FRAS1: variants seen among roughly 807,000 people sequenced by gnomAD.
FRAS1 encodes extracellular matrix organizing protein FRAS1.
Under a neutral mutation model 435.2 loss-of-function variants are expected in FRAS1, and 290 were observed. The ratio of observed to expected loss-of-function variants is 0.67; its 90% CI spans 0.61 to 0.73. FRAS1 has a LOEUF of 0.73. Among genes scored for constraint, FRAS1 ranks in the 30% least tolerant of loss-of-function variants. The probability of loss-of-function intolerance (pLI) is 0.00; values close to 1 mark genes in which losing one functional copy is unlikely to be tolerated. For missense variants in FRAS1, 4,860 were observed against 5,001.5 expected (o/e 0.97, Z 0.85); for synonymous variants, 1,800 against 1,851.0 (o/e 0.97, Z 0.71).
chr4:78,274,122 C>A (rs563981048), intron 9 of FRAS1, among the ~76,000 whole-genome samples: 1 of 152,338 alleles, frequency 6.6e-6, no homozygotes, highest in Admixed American at 6.5e-5. Flanking sequence ...ATAGTATTCT[C>A]TGATGGTAGT....
chr4:78,307,640 G>T (rs345532), intron 14 of FRAS1, among the ~76,000 whole-genome samples: 113,556 of 152,144 alleles, frequency 0.75, 42,923 homozygotes, highest in African/African-American at 0.85. Context: ...TGTCACCCCT[G>T]TCTTTCACTA....
chr4:78,376,593 A>G (rs7671858), intron 26 of FRAS1, among the ~76,000 whole-genome samples: 36,835 of 152,080 alleles, frequency 0.24, 4,838 homozygotes, highest in Admixed American at 0.31. Flanking sequence ...TTCACACAGT[A>G]GAGATAAATT....
rs577776060 is a variant in FRAS1 at position 78,454,716 on chromosome 4, C to A, written c.6763+2362C>A. On this transcript the variant is annotated intron_variant, in intron 47 of 73. Coordinates refer to ENST00000512123, the MANE Select transcript of FRAS1 (RefSeq NM_025074.7). Reference sequence around the variant, plus strand: ...TCAAAAGCTCTGAGCTTCCTCAAGGCACTGCCATTGCCTCCCTGCTGGTCA... The same window carrying A: ...TCAAAAGCTCTGAGCTTCCTCAAGGAACTGCCATTGCCTCCCTGCTGGTCA... Among the ~76,000 whole-genome samples, 25 of 152,340 alleles carry A rather than the reference C, an allele frequency of 1.6e-4. No individual in the cohort carries two copies. In the South Asian group the frequency reaches 4.3e-3, roughly 26 times the overall value.
intron 2 of FRAS1, among the ~76,000 whole-genome samples, chr4:78,103,699 C>CT (rs1312762875): frequency 6.6e-6 from 1 of 152,172 alleles, no homozygotes; most frequent in Non-Finnish European, 1.5e-5. Context: ...CAGCCAACCC[C>CT]TTTCACCATG....
At chr4:78,154,068 T>C (rs1578156031) in intron 2 of FRAS1, among the ~76,000 whole-genome samples, 1 of 152,202 alleles carries the variant, frequency 6.6e-6, no homozygotes, top group South Asian at 2.1e-4. Flanking sequence ...TTATTCGGTA[T>C]GATTTGCTAT....
intron 29 of FRAS1, among the ~76,000 whole-genome samples, chr4:78,391,534 A>G (rs1021527575): frequency 2.6e-5 from 4 of 152,200 alleles, no homozygotes; most frequent in African/African-American, 4.8e-5. Flanking sequence ...GCTTCTGTCT[A>G]CTACTGGGGT....
rs200950758 is a variant in FRAS1, at chr4:78,324,736, A to G, written c.2137+5750A>G. Among the ~76,000 whole-genome samples the G allele has an allele frequency of 8.3e-4, 49 of 59,008 alleles. 1 individual carries two copies. The East Asian group carries it at 0.01, about 12-fold the overall frequency. The allele number at this position is 59,008 out of a possible 152,430, so 38.7% of individuals were successfully genotyped here. The stretch of plus-strand genomic sequence containing the variant: ...TTTTTTTTTTTTTTTTTTTTTCTGC[A>G]TGTCACACTAGAGCTTTACAATTTA... On this transcript the variant is annotated intron_variant, in intron 18 of 73. Coordinates refer to ENST00000512123, the MANE Select transcript of FRAS1 (RefSeq NM_025074.7).
At chr4:78,498,994 C>T (rs188798081) in intron 60 of FRAS1, among the ~76,000 whole-genome samples, 246 of 152,248 alleles carry the variant, frequency 1.6e-3, no homozygotes, top group African/African-American at 5.8e-3. Flanking sequence ...ACCACAGGCA[C>T]GTGCCAGCAT....
intron 25 of FRAS1, among the ~76,000 whole-genome samples, chr4:78,375,385 A>G (rs1409439845): frequency 6.6e-6 from 1 of 152,230 alleles, no homozygotes; most frequent in Non-Finnish European, 1.5e-5. Flanking sequence ...ACCGATTGTT[A>G]AACAGAACTT....
intron 14 of FRAS1, among the ~76,000 whole-genome samples, chr4:78,298,413 A>G (rs997892978): frequency 1.3e-5 from 2 of 152,074 alleles, no homozygotes; most frequent in African/African-American, 4.8e-5. Flanking sequence ...TTTATTTTAA[A>G]GAAACCACAG....
intron 2 of FRAS1, among the ~76,000 whole-genome samples, chr4:78,119,890 T>C (rs1718912750): frequency 6.6e-6 from 1 of 152,132 alleles, no homozygotes; most frequent in South Asian, 2.1e-4. Context: ...GCTGGTGTAA[T>C]TGGGTGGTTC....
intron 47 of FRAS1, among the ~76,000 whole-genome samples, chr4:78,452,855 CAG>C (rs1220107895): frequency 1.3e-5 from 2 of 148,382 alleles, no homozygotes; most frequent in Non-Finnish European, 3.0e-5. Flanking sequence ...AACCATAACT[CAG>C]GGGAAAATAT....
intron 2 of FRAS1, among the ~76,000 whole-genome samples, chr4:78,200,608 T>C (rs1022402045): frequency 6.6e-6 from 1 of 152,150 alleles, no homozygotes; most frequent in Admixed American, 6.5e-5. Flanking sequence ...ATGTGATCGA[T>C]CTATTCAAGA....
At chr4:78,422,186 T>C (rs1048519265) in intron 34 of FRAS1, among the ~76,000 whole-genome samples, 186 bp downstream of exon 34, 11 of 151,988 alleles carry the variant, frequency 7.2e-5, no homozygotes, top group Admixed American at 5.2e-4. Flanking sequence ...TTTTTTTCCA[T>C]TTATTCATGC....
At chr4:78,325,518 G>A (rs777366562) in intron 18 of FRAS1, among the ~76,000 whole-genome samples, 1 of 152,208 alleles carries the variant, frequency 6.6e-6, no homozygotes, top group Non-Finnish European at 1.5e-5. Flanking sequence ...ATTAAGCAAT[G>A]CCTTTTAATG....
intron 2 of FRAS1, among the ~76,000 whole-genome samples, chr4:78,095,480 G>A (rs1741752924): frequency 1.3e-5 from 2 of 152,154 alleles, no homozygotes; most frequent in Non-Finnish European, 2.9e-5. Flanking sequence ...GTCCCTCTGA[G>A]CCCCAAATTC....
chr4:78,442,637 A>G (rs1218549852), intron 41 of FRAS1, among the ~76,000 whole-genome samples: 2 of 152,230 alleles, frequency 1.3e-5, no homozygotes, highest in Non-Finnish European at 2.9e-5. Flanking sequence ...ATGGAGGTGC[A>G]GAGATACTCC....
At chr4:78,444,032 T>A (rs934894768) in intron 41 of FRAS1, 4 of 350,550 alleles carry the variant, frequency 1.1e-5, no homozygotes, top group Non-Finnish European at 2.2e-5. Context: ...GTGGGGTAAT[T>A]TTTGTAGAGA....
intron 15 of FRAS1, among the ~76,000 whole-genome samples, chr4:78,314,146 C>G (rs533603668): frequency 6.6e-5 from 10 of 151,978 alleles, no homozygotes; most frequent in Non-Finnish European, 4.4e-5. Context: ...AGGTCCTTGC[C>G]CACTTCTGTC....
Sources: allele counts gnomAD v4.1 joint callset (sites outside exome capture counted in the v4.1 genomes callset), GRCh38; gene constraint gnomAD v4.1.1; transcripts MANE v1.5; gene names NCBI Gene and HGNC (gene_info 2026-07-23, HGNC 2026-07-21).